JADE2: variants seen among roughly 807,000 people sequenced by gnomAD.
JADE2 encodes the protein jade family PHD finger 2, also known as E3 ubiquitin-protein ligase Jade-2.
A neutral mutation model predicts 85.7 loss-of-function variants in JADE2; 13 were observed. That is an observed-to-expected ratio of 0.15 (90% CI 0.10 to 0.24). The LOEUF (loss-of-function observed/expected upper bound fraction) is 0.24, where lower values mean the gene tolerates loss of function less well. JADE2 is among the 10% of genes least tolerant of loss of function. JADE2 has a pLI of 1.00. For synonymous variants in JADE2, 440 were observed against 456.1 expected (o/e 0.96, Z 0.45); for missense variants, 846 against 1,115.9 (o/e 0.76, Z 3.45).
chr5:134,549,225 G>C (rs2070450256), intron 3 of JADE2, among the ~76,000 whole-genome samples: 1 of 152,222 alleles, frequency 6.6e-6, no homozygotes, highest in South Asian at 2.1e-4. Context: ...GGAGGCGACA[G>C]TTAAGTTACA....
intron 4 of JADE2, among the ~76,000 whole-genome samples, chr5:134,554,537 A>C (rs1762797556): frequency 6.6e-6 from 1 of 152,194 alleles, no homozygotes; most frequent in African/African-American, 2.4e-5. Context: ...GCTTGGCTTC[A>C]GTCTGCCTGT....
rs1015640227 is a variant in JADE2 at position 134,552,350 on chromosome 5, C to A, written c.311+141C>A. The A allele has an allele frequency of 1.8e-5, 15 of 841,454 alleles. No homozygotes were observed. The Admixed American group carries it at 3.0e-4, about 17-fold the overall frequency. The allele number at this position is 841,454 out of a possible 1,614,324, so 52.1% of individuals were successfully genotyped here. On this transcript the variant is annotated intron_variant, in intron 4 of 11. Coordinates refer to ENST00000681547, the MANE Select transcript of JADE2 (RefSeq NM_001388185.1). ...GTATTCCATTCCCTTTTCCAACAAA[C>A]CATTGAAATGTTCCAGAAATACTGG...
upstream of JADE2, among the ~76,000 whole-genome samples, chr5:134,525,211 C>T (rs116867744): frequency 0.035 from 4,708 of 136,108 alleles, 279 homozygotes; most frequent in South Asian, 0.26. Flanking sequence ...GGGTCTGGGG[C>T]GCGTAGGGGG....
chr5:134,526,543 G>C lies in JADE2; in HGVS notation c.-1+532G>C. 3.0e-6 allele frequency: 3 copies of C among 985,386 alleles called. No individual in the cohort carries two copies. In the South Asian group the frequency reaches 1.4e-4, roughly 46 times the overall value. The allele number at this position is 985,386 out of a possible 1,614,324, so 61.0% of individuals were successfully genotyped here. A position where few individuals can be genotyped will look rare whatever the true frequency, so the allele number is the denominator to read the frequency against. ...ACGCAGCACGTCCGGGCGCCGAACC[G>C]GGCTGAGCCGGTGCACATGACCTCG... On this transcript the variant is annotated intron_variant, in intron 1 of 11. Transcript: ENST00000681547.
chr5:134,525,620 A>AT (rs1332624316), upstream of JADE2: 8,542 of 310,010 alleles, frequency 0.028, no homozygotes, highest in South Asian at 0.035. Flanking sequence ...ACCCCAACAC[A>AT]TTTTTTTTTT....
intron 3 of JADE2, among the ~76,000 whole-genome samples, chr5:134,546,492 G>T (rs2149913920): frequency 6.6e-6 from 1 of 152,348 alleles, no homozygotes; most frequent in Non-Finnish European, 1.5e-5. Context: ...AATAGGCTGG[G>T]CGTGGTGGCT....
At chr5:134,563,416 T>G (rs1763449496) in intron 7 of JADE2, among the ~76,000 whole-genome samples, 1 of 152,108 alleles carries the variant, frequency 6.6e-6, no homozygotes, top group Non-Finnish European at 1.5e-5. Context: ...GGTGTGTTTC[T>G]GAGTCCATGT....
intron 3 of JADE2, among the ~76,000 whole-genome samples, chr5:134,546,060 G>A (rs1296509403): frequency 2.6e-5 from 4 of 152,226 alleles, no homozygotes; most frequent in African/African-American, 9.7e-5. Context: ...TGCTAAGACA[G>A]GGCAGGAAAG....
rs1366388698 is a variant in JADE2 at position 134,562,616 on chromosome 5, T to C, written c.852+249T>C. Among the ~76,000 whole-genome samples the C allele has an allele frequency of 6.6e-6, 1 of 151,664 alleles. No homozygotes were observed. The highest frequency in any genetic ancestry group is 1.5e-5 in the Non-Finnish European group (1 of 67,892). ...AGCAAAACCCCCTCTCTACAAAAATTAGGAGTGCATGGTGGCAGGCACCTG... is the reference window on the plus strand; with the variant it reads ...AGCAAAACCCCCTCTCTACAAAAATCAGGAGTGCATGGTGGCAGGCACCTG... On this transcript the variant is annotated intron_variant, in intron 7 of 11. Transcript: ENST00000681547. The surrounding 1 kb of genome is among the most constrained non-coding windows in gnomAD (Gnocchi z 4.6).
chr5:134,557,066 AACAC>A (rs1258050849), intron 4 of JADE2, among the ~76,000 whole-genome samples: 9 of 140,406 alleles, frequency 6.4e-5, no homozygotes, highest in African/African-American at 8.2e-5. Context: ...CATCACATAA[AACAC>A]ACACACACCA....
At chr5:134,570,207 C>T (rs1463804950) in intron 9 of JADE2, among the ~76,000 whole-genome samples, 1 of 152,168 alleles carries the variant, frequency 6.6e-6, no homozygotes, top group Non-Finnish European at 1.5e-5. Context: ...CTCATACCTG[C>T]TGCCCACATG....
At chr5:134,540,112 G>A (rs1293909240) in intron 3 of JADE2, among the ~76,000 whole-genome samples, 1 of 152,162 alleles carries the variant, frequency 6.6e-6, no homozygotes, top group African/African-American at 2.4e-5. Flanking sequence ...CTTGGTAGGG[G>A]GATGGGATGT....
At chr5:134,560,700 G>A (rs1763267190) in intron 5 of JADE2, 46 bp from the exon 6 acceptor site, 2 of 1,539,006 alleles carry the variant, frequency 1.3e-6, no homozygotes, top group East Asian at 2.3e-5. Context: ...AAGCTCAAAG[G>A]AGGCTGGGCT....
At chr5:134,531,153 T>C (rs1053565865) in intron 1 of JADE2, among the ~76,000 whole-genome samples, 1 of 152,150 alleles carries the variant, frequency 6.6e-6, no homozygotes, top group Non-Finnish European at 1.5e-5. Context: ...AAGTCAGACA[T>C]GCATAGACCA....
At chr5:134,577,666 G>A (rs912801785) in intron 11 of JADE2, among the ~76,000 whole-genome samples, 3 of 152,150 alleles carry the variant, frequency 2.0e-5, no homozygotes, top group Non-Finnish European at 2.9e-5. Context: ...ACTCCAGCCT[G>A]GGTGACAGAG....
chr5:134,551,922 T>G, intron 3 of JADE2, 130 bp from the exon 4 acceptor site: 1 of 833,056 alleles, frequency 1.2e-6, no homozygotes. Context: ...TTGCTTTTAT[T>G]TCGTCTTATT....
At chr5:134,524,214 ATTCCTCCCCAACCAGGAGGCCAGTCCT>A (rs1760678793), upstream of JADE2, 1 of 152,162 alleles carries the variant, frequency 6.6e-6, no homozygotes, top group Admixed American at 6.5e-5. Context: ...TTGACCCCCG[ATTCCTCCCCAACCAGGAGGCCAGTCCT>A]TCTCCTTCCT....
At position 134,580,425 on chromosome 5, in the gene JADE2, T is replaced by TCA. The variant is rs1554131242; in HGVS notation, c.*1109_*1110insAC. 2.8e-5 allele frequency: 2 copies of TCA among 72,082 alleles called. No homozygotes were observed. The highest frequency in any genetic ancestry group is 5.4e-5 in the Non-Finnish European group (2 of 37,012). The allele number at this position is 72,082 out of a possible 1,614,324, so 4.5% of individuals were successfully genotyped here. A position where few individuals can be genotyped will look rare whatever the true frequency, so the allele number is the denominator to read the frequency against. The stretch of plus-strand genomic sequence containing the variant: ...TGAGCCTTAACCCCTCGCACAGCCA[T>TCA]CCCCCCCCCCGTCCTGCCATCCCCC... On this transcript the variant is annotated 3_prime_UTR_variant, in exon 12 of 12. Coordinates refer to ENST00000681547, the MANE Select transcript of JADE2 (RefSeq NM_001388185.1).
chr5:134,573,585 G>C, intron 9 of JADE2, 60 bp from the exon 10 acceptor site: 1 of 1,176,440 alleles, frequency 8.5e-7, no homozygotes, highest in Non-Finnish European at 1.3e-6. Context: ...GGTCCCCAGA[G>C]CTGGGAGGTC....
Sources: allele counts gnomAD v4.1 joint callset (sites outside exome capture counted in the v4.1 genomes callset), GRCh38; gene constraint gnomAD v4.1.1; non-coding constraint Gnocchi (gnomAD v3.1); transcripts MANE v1.5; gene names NCBI Gene and HGNC (gene_info 2026-07-23, HGNC 2026-07-21).